Variants in CNOT6L observed in about 807,000 individuals in gnomAD.
The protein encoded by CNOT6L is CCR4-NOT transcription complex subunit 6-like.
Under a neutral mutation model 64.0 loss-of-function variants are expected in CNOT6L, and 7 were observed. That is an observed-to-expected ratio of 0.11 (90% confidence interval 0.06 to 0.21). The LOEUF is 0.21. CNOT6L is among the 10% of genes least tolerant of loss of function. CNOT6L has a pLI of 1.00. For missense variants in CNOT6L, 245 were observed against 669.0 expected, an observed-to-expected ratio of 0.37 and a Z score of 6.99; for synonymous variants, 193 against 243.4, an observed-to-expected ratio of 0.79 and a Z score of 1.93.
intron 8 of CNOT6L, among the ~76,000 whole-genome samples, chr4:77,735,616 G>GT (rs765531950): frequency 2.6e-5 from 4 of 152,146 alleles, no homozygotes; most frequent in Non-Finnish European, 5.9e-5. Flanking sequence ...CACCGTCTTG[G>GT]TTTGCCATTC....
upstream of CNOT6L, among the ~76,000 whole-genome samples, chr4:77,819,909 G>A (rs151238051): frequency 5.3e-3 from 804 of 151,654 alleles, 7 homozygotes; most frequent in African/African-American, 0.018. Context: ...CCCCAGGCGC[G>A]CAAGAGAGGC....
At chr4:77,797,113 A>AAAAG in intron 1 of CNOT6L, among the ~76,000 whole-genome samples, 1 of 150,636 alleles carries the variant, frequency 6.6e-6, no homozygotes, top group South Asian at 2.1e-4. Context: ...AAAAAAAAAA[A>AAAAG]AAAAAAAAAA....
rs1210373226 is a variant in CNOT6L, at chr4:77,713,798, G to T, written c.*6633C>A. 2 of 152,586 alleles carry T rather than the reference G, an allele frequency of 1.3e-5. No homozygotes were observed. The highest frequency in any genetic ancestry group is 4.8e-5 in the African/African-American group (2 of 41,438). The allele number at this position is 152,586 out of a possible 1,614,324, so 9.5% of individuals were successfully genotyped here. ...AAGCAGCTGGTGATTTTGTCAGAGA[G>T]AATGTGTTCAGTAAGAGTAGAACCA... is the stretch of plus-strand genomic sequence containing the variant. On this transcript the variant is annotated 3_prime_UTR_variant, in exon 12 of 12. Coordinates refer to ENST00000504123, the MANE Select transcript of CNOT6L (RefSeq NM_144571.3).
chr4:77,802,408 G>C (rs1277290691), intron 1 of CNOT6L, among the ~76,000 whole-genome samples: 1 of 152,066 alleles, frequency 6.6e-6, no homozygotes, highest in Non-Finnish European at 1.5e-5. Context: ...ATTAAAATAT[G>C]CCTCTTATCA....
Position 77,717,424 on chromosome 4 carries a change from A to AAAT in CNOT6L, c.*3004_*3006dup, listed in dbSNP as rs1353507226. 1 of 152,500 alleles carries AAAT rather than the reference A, an allele frequency of 6.6e-6. No individual in the cohort carries two copies. Among genetic ancestry groups the AAAT allele is most frequent in the Non-Finnish European group, 1.5e-5 (1 of 67,992 alleles). 9.4% of individuals were successfully genotyped at this position (152,500 alleles called of 1,614,324 possible). ...TTTAAGAACATTCCGGTTCTTAGAC[A>AAAT]AATATCGAAATAATATTTAACAGTT... On this transcript the variant is annotated 3_prime_UTR_variant, in exon 12 of 12. Transcript: ENST00000504123.
At chr4:77,798,358 G>GA (rs1012069190) in intron 1 of CNOT6L, among the ~76,000 whole-genome samples, 1 of 151,798 alleles carries the variant, frequency 6.6e-6, no homozygotes, top group Non-Finnish European at 1.5e-5. Context: ...CACACACTGG[G>GA]AAAAAATATT....
At chr4:77,816,942 T>C (rs377261195) in intron 1 of CNOT6L, among the ~76,000 whole-genome samples, 5 of 152,278 alleles carry the variant, frequency 3.3e-5, no homozygotes, top group South Asian at 2.1e-4. Flanking sequence ...ATACTAAAAA[T>C]GGAAAGTTAT....
chr4:77,818,770 G>A (rs1270536617), intron 1 of CNOT6L, among the ~76,000 whole-genome samples: 1 of 151,498 alleles, frequency 6.6e-6, no homozygotes, highest in Non-Finnish European at 1.5e-5. Flanking sequence ...CGGGCTCGCC[G>A]TCCCGGGAGG....
chr4:77,760,427 AT>A (rs1413742296), intron 4 of CNOT6L, among the ~76,000 whole-genome samples: 5 of 151,998 alleles, frequency 3.3e-5, no homozygotes, highest in African/African-American at 9.7e-5. Context: ...ACATGACACT[AT>A]CAAAATTTGT....
At chr4:77,741,694 C>T (rs545805178) in intron 8 of CNOT6L, among the ~76,000 whole-genome samples, 61 of 152,028 alleles carry the variant, frequency 4.0e-4, no homozygotes, top group Non-Finnish European at 7.6e-4. Context: ...TAGCACAGGA[C>T]TTATCACAAA....
chr4:77,731,592 A>C (rs1454786235), intron 8 of CNOT6L, 54 bp from the exon 9 acceptor site: 3 of 1,288,274 alleles, frequency 2.3e-6, no homozygotes, highest in Admixed American at 2.6e-5. Flanking sequence ...GCTGAAAGAT[A>C]TTAAATGAAA....
chr4:77,768,403 T>C (rs1727103508), intron 4 of CNOT6L, among the ~76,000 whole-genome samples: 2 of 150,340 alleles, frequency 1.3e-5, no homozygotes, highest in South Asian at 2.1e-4. Context: ...GGGGTAGAGG[T>C]TGCAGTGGCC....
rs62302670 is a variant in CNOT6L, at chr4:77,772,796, G to A, written c.400+285C>T. On this transcript the variant is annotated intron_variant, in intron 4 of 11. Transcript: ENST00000504123. ...AAATTAGCCGGGCATGGTGGCGAGCGCCTGTAGCCCCAGCTACTCAGGAGG... is the reference window on the plus strand; with the variant it reads ...AAATTAGCCGGGCATGGTGGCGAGCACCTGTAGCCCCAGCTACTCAGGAGG... Among the ~76,000 whole-genome samples, 2,791 of 152,120 alleles carry A rather than the reference G, an allele frequency of 0.018. 36 individuals are homozygous for A. The highest frequency in any genetic ancestry group is 0.027 in the Non-Finnish European group (1,812 of 67,988).
chr4:77,738,398 A>C (rs908649354), intron 8 of CNOT6L, among the ~76,000 whole-genome samples: 1 of 152,126 alleles, frequency 6.6e-6, no homozygotes, highest in African/African-American at 2.4e-5. Flanking sequence ...ACCCAATTCT[A>C]CTTAATGGTT....
intron 8 of CNOT6L, among the ~76,000 whole-genome samples, chr4:77,737,099 A>G (rs998906846): frequency 6.6e-6 from 1 of 152,222 alleles, no homozygotes; most frequent in Non-Finnish European, 1.5e-5. Flanking sequence ...AAAGCAATCT[A>G]TAGGATTTAA....
In CNOT6L at chr4:77,714,429, C is replaced by T. The variant is rs113140311; in HGVS notation, c.*6002G>A. On this transcript the variant is annotated 3_prime_UTR_variant, in exon 12 of 12. Coordinates refer to ENST00000504123, the MANE Select transcript of CNOT6L (RefSeq NM_144571.3). ...CTTATAGAGAGAAAAAGTACATACA[C>T]ACTCTCTTTAAAAAAAAAAAAAAAA... is the stretch of plus-strand genomic sequence containing the variant. The T allele has an allele frequency of 0.023, 2,567 of 109,270 alleles. 40 individuals are homozygous for T. Among genetic ancestry groups the T allele is most frequent in the Admixed American group, 0.033 (324 of 9,862 alleles). The allele number at this position is 109,270 out of a possible 1,614,324, so 6.8% of individuals were successfully genotyped here. A position where few individuals can be genotyped will look rare whatever the true frequency, so the allele number is the denominator to read the frequency against.
intron 4 of CNOT6L, among the ~76,000 whole-genome samples, chr4:77,771,853 TA>T (rs1353936997): frequency 1.3e-5 from 2 of 152,234 alleles, no homozygotes; most frequent in Non-Finnish European, 2.9e-5. Flanking sequence ...TATGAAAGTG[TA>T]TACTTTACAA....
Position 77,717,262 on chromosome 4 carries a change from T to TC in CNOT6L, c.*3168dup, listed in dbSNP as rs1241903513. 2.0e-5 allele frequency: 3 copies of TC among 152,346 alleles called. No individual in the cohort carries two copies. The highest frequency in any genetic ancestry group is 4.2e-4 in the South Asian group (2 of 4,814). The allele number at this position is 152,346 out of a possible 1,614,324, so 9.4% of individuals were successfully genotyped here. On this transcript the variant is annotated 3_prime_UTR_variant, in exon 12 of 12. Transcript: ENST00000504123. ...GTCAGGCCTGAGGATGCTGCAATAT[T>TC]CCCCATCAAAATGTGTAAAGCTATG...
At position 77,783,365 on chromosome 4, in the gene CNOT6L, A is replaced by G. The variant is rs112167971; in HGVS notation, c.6-6973T>C. Among the ~76,000 whole-genome samples, 269 of 152,338 alleles carry G rather than the reference A, an allele frequency of 1.8e-3. 2 individuals are homozygous for G. The highest frequency in any genetic ancestry group is 5.4e-3 in the African/African-American group (224 of 41,580). Reference sequence around the variant, plus strand: ...CAAGTTGGACATTGTCCTTACCCGCATGGAGCATATACTGTTTTCACAGCA... The same window carrying G: ...CAAGTTGGACATTGTCCTTACCCGCGTGGAGCATATACTGTTTTCACAGCA... On this transcript the variant is annotated intron_variant, in intron 1 of 11. Coordinates refer to ENST00000504123, the MANE Select transcript of CNOT6L (RefSeq NM_144571.3).
Sources: allele counts gnomAD v4.1 joint callset (sites outside exome capture counted in the v4.1 genomes callset), GRCh38; gene constraint gnomAD v4.1.1; transcripts MANE v1.5; gene names NCBI Gene and HGNC (gene_info 2026-07-23, HGNC 2026-07-21).